Variants in CTDSPL observed in about 807,000 individuals in gnomAD.
CTDSPL encodes CTD small phosphatase-like protein.
A neutral mutation model predicts 30.5 loss-of-function variants in CTDSPL; 8 were observed. The observed-to-expected ratio is 0.26, with a 90% CI of 0.15 to 0.47. The LOEUF (loss-of-function observed/expected upper bound fraction) is 0.47, where lower values mean the gene tolerates loss of function less well. CTDSPL is among the 20% of genes least tolerant of loss of function. The pLI, the probability that CTDSPL is intolerant of heterozygous loss-of-function variation, is 0.99. For missense variants in CTDSPL, 248 were observed against 366.1 expected (o/e 0.68, Z 2.63); for synonymous variants, 110 against 137.9 (o/e 0.80, Z 1.42).
At chr3:37,956,158 G>T (rs1699170514) in intron 2 of CTDSPL, among the ~76,000 whole-genome samples, 1 of 152,184 alleles carries the variant, frequency 6.6e-6, no homozygotes, top group Non-Finnish European at 1.5e-5. Context: ...CTAGGGGTTG[G>T]AGATAATCAA....
chr3:37,893,115 G>T (rs1012868162), intron 1 of CTDSPL, among the ~76,000 whole-genome samples: 2 of 152,218 alleles, frequency 1.3e-5, no homozygotes, highest in African/African-American at 4.8e-5. Context: ...ACTTCCTGCT[G>T]CAGGACACAG....
At chr3:37,967,088 G>T (rs2125631637) in intron 4 of CTDSPL, among the ~76,000 whole-genome samples, 1 of 152,346 alleles carries the variant, frequency 6.6e-6, no homozygotes, top group African/African-American at 2.4e-5. Context: ...GGGTGTGCTG[G>T]ATGTTGTGTT....
intron 7 of CTDSPL, among the ~76,000 whole-genome samples, chr3:37,977,599 A>G (rs1197792404): frequency 6.7e-6 from 1 of 149,556 alleles, no homozygotes; most frequent in East Asian, 1.9e-4. Flanking sequence ...GCAAGAATAT[A>G]TCATAGAGGC....
chr3:37,893,868 C>T (rs546461593), intron 1 of CTDSPL, among the ~76,000 whole-genome samples: 36 of 152,200 alleles, frequency 2.4e-4, no homozygotes, highest in Admixed American at 1.2e-3. Context: ...GTTGATTTTT[C>T]CCCCCAGCCC....
chr3:37,909,024 C>A (rs1024274472), intron 1 of CTDSPL, among the ~76,000 whole-genome samples: 1 of 152,064 alleles, frequency 6.6e-6, no homozygotes, highest in African/African-American at 2.4e-5. Context: ...TTTTAGAATT[C>A]GAAATTTTAC....
intron 5 of CTDSPL, among the ~76,000 whole-genome samples, chr3:37,970,866 G>C (rs1217925062): frequency 1.3e-5 from 2 of 152,176 alleles, no homozygotes; most frequent in Non-Finnish European, 2.9e-5. Flanking sequence ...AAGCTGACAA[G>C]GAAGCCCCTT....
In CTDSPL at chr3:37,984,106, G is replaced by C; in HGVS notation, c.*3239G>C. The C allele has an allele frequency of 2.3e-6, 1 of 437,912 alleles. No individual in the cohort carries two copies. The highest frequency in any genetic ancestry group is 1.6e-5 in the South Asian group (1 of 62,510). 27.1% of individuals were successfully genotyped at this position (437,912 alleles called of 1,614,324 possible). A position where few individuals can be genotyped will look rare whatever the true frequency, so the allele number is the denominator to read the frequency against. ...TTGTGCCTCTGCTTTTAAAGGTGCT[G>C]TGCTGGACAGTTGGCATGCCAGGGT... On this transcript the variant is annotated 3_prime_UTR_variant, in exon 8 of 8. Coordinates refer to ENST00000273179, the MANE Select transcript of CTDSPL (RefSeq NM_001008392.2).
chr3:37,975,816 T>G lies in CTDSPL; in HGVS notation c.627T>G (p.Ser209Arg). 2.5e-6 allele frequency: 4 copies of G among 1,614,116 alleles called. No individual in the cohort carries two copies. The highest frequency in any genetic ancestry group is 3.4e-6 in the Non-Finnish European group (4 of 1,180,020). Residue 209 changes from serine to arginine, a missense_variant, in exon 7 of 8, where the codon AGT (serine) becomes AGG (arginine). Transcript: ENST00000273179. This position sits in a 1 kb window ranked among gnomAD's most constrained non-coding sequence, Gnocchi z 4.9. Reference protein sequence around the residue: ...FHRGNYVKDLSRLGRELSKVI... With the variant: ...FHRGNYVKDLRRLGRELSKVI... ...GTGGGAACTACGTGAAGGACCTGAGTCGCCTTGGGCGGGAGCTGAGCAAAG... is the reference window on the plus strand; with the variant it reads ...GTGGGAACTACGTGAAGGACCTGAGGCGCCTTGGGCGGGAGCTGAGCAAAG...
intron 1 of CTDSPL, among the ~76,000 whole-genome samples, chr3:37,888,260 T>G (rs1426517678): frequency 2.0e-5 from 3 of 152,232 alleles, no homozygotes; most frequent in African/African-American, 4.8e-5. Context: ...GTTTTCTTAT[T>G]CCTTGATAAT....
chr3:37,982,436 A>G lies in CTDSPL; in HGVS notation c.*1569A>G, dbSNP rs928324170. The G allele has an allele frequency of 9.7e-6, 4 of 414,456 alleles. No individual in the cohort carries two copies. Among genetic ancestry groups the G allele is most frequent in the Admixed American group, 2.8e-5 (1 of 36,078 alleles). The allele number at this position is 414,456 out of a possible 1,614,324, so 25.7% of individuals were successfully genotyped here. On this transcript the variant is annotated 3_prime_UTR_variant, in exon 8 of 8. Coordinates refer to ENST00000273179, the MANE Select transcript of CTDSPL (RefSeq NM_001008392.2). Reference sequence around the variant, plus strand: ...AAACAATTAAAAAGAACCCTTTCATATTGGCACCATTGCCTTAGTCCTCTG... The same window carrying G: ...AAACAATTAAAAAGAACCCTTTCATGTTGGCACCATTGCCTTAGTCCTCTG...
chr3:37,921,635 ACACACACACT>A (rs1698717153), intron 1 of CTDSPL, among the ~76,000 whole-genome samples: 1 of 151,854 alleles, frequency 6.6e-6, no homozygotes, highest in Non-Finnish European at 1.5e-5. Flanking sequence ...ACACACACAC[ACACACACACT>A]CACACAAACA....
intron 1 of CTDSPL, among the ~76,000 whole-genome samples, chr3:37,926,186 A>C (rs181430938): frequency 6.6e-6 from 1 of 152,146 alleles, no homozygotes; most frequent in Admixed American, 6.5e-5. Flanking sequence ...CCAGCTGACA[A>C]AGGGAAATTA....
chr3:37,870,657 A>C (rs929702786), intron 1 of CTDSPL, among the ~76,000 whole-genome samples: 1 of 152,002 alleles, frequency 6.6e-6, no homozygotes, highest in Non-Finnish European at 1.5e-5. Context: ...TAGATGAATG[A>C]TTTGAGGCTT....
intron 4 of CTDSPL, among the ~76,000 whole-genome samples, chr3:37,966,635 C>A (rs1392593448): frequency 6.6e-6 from 1 of 152,192 alleles, no homozygotes; most frequent in Non-Finnish European, 1.5e-5. Context: ...CCTTCCAACT[C>A]TGGGAGTAAA....
chr3:37,926,012 A>G (rs1271362062), intron 1 of CTDSPL, among the ~76,000 whole-genome samples: 2 of 152,156 alleles, frequency 1.3e-5, no homozygotes, highest in Non-Finnish European at 2.9e-5. Flanking sequence ...AGTTTTGTTC[A>G]CTTATCTATT....
intron 1 of CTDSPL, among the ~76,000 whole-genome samples, chr3:37,927,882 A>G (rs2125613724): frequency 6.6e-6 from 1 of 151,896 alleles, no homozygotes; most frequent in South Asian, 2.1e-4. Context: ...CCACCATTCT[A>G]CTTTATGCTT....
At chr3:37,905,979 C>T (rs1309894109) in intron 1 of CTDSPL, among the ~76,000 whole-genome samples, 1 of 152,170 alleles carries the variant, frequency 6.6e-6, no homozygotes, top group Admixed American at 6.5e-5. Flanking sequence ...CTCTGCAAAT[C>T]GCCCATTGAT....
At chr3:37,979,863 G>T (rs899642235) in intron 7 of CTDSPL, among the ~76,000 whole-genome samples, 2 of 152,070 alleles carry the variant, frequency 1.3e-5, no homozygotes, top group Non-Finnish European at 2.9e-5. Context: ...TGGTTTAATT[G>T]TATTTTAATT....
chr3:37,904,409 C>G (rs879314037), intron 1 of CTDSPL, among the ~76,000 whole-genome samples: 1 of 152,166 alleles, frequency 6.6e-6, no homozygotes, highest in African/African-American at 2.4e-5. Context: ...GGGTACTGAT[C>G]TCACCTGAGA....
Sources: allele counts gnomAD v4.1 joint callset (sites outside exome capture counted in the v4.1 genomes callset), GRCh38; gene constraint gnomAD v4.1.1; non-coding constraint Gnocchi (gnomAD v3.1); transcripts MANE v1.5; gene names NCBI Gene and HGNC (gene_info 2026-07-23, HGNC 2026-07-21).